Variants in CALN1 observed in about 807,000 individuals in gnomAD.
CALN1 encodes calcium-binding protein 8.
In CALN1, 17 loss-of-function variants were observed where a neutral mutation model predicts 30.6. The ratio of observed to expected loss-of-function variants is 0.56; its 90% confidence interval spans 0.38 to 0.83. The LOEUF is 0.83. Among genes scored for constraint, CALN1 ranks in the 40% least tolerant of loss-of-function variants. The pLI, the probability that CALN1 is intolerant of heterozygous loss-of-function variation, is 0.00. For synonymous variants in CALN1, 156 were observed against 131.4 expected, an observed-to-expected ratio of 1.19 and a Z score of -1.28; for missense variants, 291 against 354.9, an observed-to-expected ratio of 0.82 and a Z score of 1.45.
intron 5 of CALN1, among the ~76,000 whole-genome samples, chr7:71,829,150 G>A (rs190983838): frequency 1.3e-5 from 2 of 152,152 alleles, no homozygotes; most frequent in Non-Finnish European, 2.9e-5. Flanking sequence ...TCACAGGTAC[G>A]CGTCCTTAAC....
intron 2 of CALN1, among the ~76,000 whole-genome samples, chr7:72,289,200 G>A (rs1011426954): frequency 1.3e-5 from 2 of 152,122 alleles, no homozygotes; most frequent in African/African-American, 2.4e-5. Context: ...AAGTCATTAT[G>A]TTTTCAGATA....
chr7:71,829,760 C>T (rs1789149910), intron 5 of CALN1, among the ~76,000 whole-genome samples: 1 of 152,176 alleles, frequency 6.6e-6, no homozygotes, highest in Non-Finnish European at 1.5e-5. Flanking sequence ...TTGCAGTCTG[C>T]ACTGTCTGGG....
At chr7:72,359,991 A>AAAAAAAAAAAC (rs1803475081) in intron 2 of CALN1, among the ~76,000 whole-genome samples, 1 of 147,202 alleles carries the variant, frequency 6.8e-6, no homozygotes, top group Non-Finnish European at 1.5e-5. Flanking sequence ...AAAAAAAAAA[A>AAAAAAAAAAAC]CCAAAGTTGA....
intron 5 of CALN1, among the ~76,000 whole-genome samples, chr7:71,946,038 G>C (rs1024977042): frequency 6.6e-6 from 1 of 152,114 alleles, no homozygotes; most frequent in Non-Finnish European, 1.5e-5. Context: ...ATGGGGTGAG[G>C]GCCGCTTTAG....
chr7:72,188,041 G>A (rs1038958076), intron 3 of CALN1, among the ~76,000 whole-genome samples: 4 of 152,048 alleles, frequency 2.6e-5, no homozygotes, highest in South Asian at 2.1e-4. Flanking sequence ...AAACTAGGAC[G>A]GCCACTATGG....
chr7:71,893,100 C>T (rs570885197), intron 5 of CALN1, among the ~76,000 whole-genome samples: 1 of 152,244 alleles, frequency 6.6e-6, no homozygotes, highest in African/African-American at 2.4e-5. Context: ...TGTTAACAGC[C>T]CACATTTTCT....
chr7:71,933,558 T>C (rs1185575181), intron 5 of CALN1, among the ~76,000 whole-genome samples: 1 of 152,110 alleles, frequency 6.6e-6, no homozygotes, highest in African/African-American at 2.4e-5. Context: ...CCACACCGCT[T>C]CAACATCGTA....
chr7:71,913,103 C>A (rs1794508446), intron 5 of CALN1, among the ~76,000 whole-genome samples: 1 of 152,156 alleles, frequency 6.6e-6, no homozygotes, highest in African/African-American at 2.4e-5. Flanking sequence ...AAGAACAAGA[C>A]CAGGATGTGC....
intron 3 of CALN1, among the ~76,000 whole-genome samples, chr7:72,266,861 A>C (rs1309529115): frequency 1.3e-5 from 2 of 152,178 alleles, no homozygotes; most frequent in African/African-American, 2.4e-5. Context: ...ACAAAGCCTC[A>C]CAACTCTCCA....
chr7:72,429,947 G>T (rs1427569738), intron 1 of CALN1, among the ~76,000 whole-genome samples: 1 of 150,400 alleles, frequency 6.6e-6, no homozygotes, highest in African/African-American at 2.4e-5. Flanking sequence ...TGCCTCCCGA[G>T]TAGCTGGGAT....
chr7:72,295,478 A>C (rs1306992360), intron 2 of CALN1, among the ~76,000 whole-genome samples: 2 of 151,796 alleles, frequency 1.3e-5, no homozygotes, highest in African/African-American at 4.8e-5. Context: ...CACGATATTG[A>C]TTCTTCCTAC....
chr7:72,451,410 G>A (rs1365660992), upstream of CALN1, among the ~76,000 whole-genome samples: 12 of 137,720 alleles, frequency 8.7e-5, no homozygotes, highest in African/African-American at 2.9e-4. Context: ...GGAAGGGGGA[G>A]TAGGAGGGGG....
At chr7:71,944,082 T>C (rs1325011784) in intron 5 of CALN1, among the ~76,000 whole-genome samples, 1 of 152,174 alleles carries the variant, frequency 6.6e-6, no homozygotes, top group Non-Finnish European at 1.5e-5. Flanking sequence ...CTAGTCACTG[T>C]TGAGCAGTGA....
upstream of CALN1, among the ~76,000 whole-genome samples, chr7:72,416,433 C>T (rs2129563475): frequency 6.6e-6 from 1 of 152,274 alleles, no homozygotes; most frequent in Non-Finnish European, 1.5e-5. Context: ...AAATTGTTTC[C>T]TGAGTGAAGC....
intron 5 of CALN1, among the ~76,000 whole-genome samples, chr7:71,972,479 G>T (rs1018424786): frequency 1.9e-4 from 29 of 152,256 alleles, no homozygotes; most frequent in Admixed American, 1.8e-3. Context: ...CATCTGCTAA[G>T]AGAGCGTGCA....
intron 2 of CALN1, among the ~76,000 whole-genome samples, chr7:72,357,175 T>G (rs1334936031): frequency 6.6e-6 from 1 of 151,948 alleles, no homozygotes; most frequent in African/African-American, 2.4e-5. Flanking sequence ...AGAATACAAC[T>G]TGAACCAAAA....
Position 71,954,158 on chromosome 7 carries a change from T to C in CALN1, c.501+69499A>G, listed in dbSNP as rs566766074. ...GGGCAACATAGCAAGACATCATCTC[T>C]ATGAGAAATTTTAAAATGGGGCCAA... On this transcript the variant is annotated intron_variant, in intron 5 of 6. Transcript: ENST00000395275. Among the ~76,000 whole-genome samples, 5 of 151,818 alleles carry C rather than the reference T, an allele frequency of 3.3e-5. No individual in the cohort carries two copies. The South Asian group carries it at 1.0e-3, about 32-fold the overall frequency.
chr7:72,299,463 C>CAGAGTTACGTAAAACAAA (rs76299508), intron 2 of CALN1, among the ~76,000 whole-genome samples: 1 of 151,990 alleles, frequency 6.6e-6, no homozygotes, highest in Admixed American at 6.6e-5. Context: ...AGTTAAGAGG[C>CAGAGTTACGTAAAACAAA]AGAAATTACA....
chr7:72,413,176 C>G (rs1342816031), upstream of CALN1, among the ~76,000 whole-genome samples: 1 of 151,874 alleles, frequency 6.6e-6, no homozygotes, highest in African/African-American at 2.4e-5. Context: ...CTCATATGTA[C>G]ACACTGACAC....
Sources: allele counts gnomAD v4.1 joint callset (sites outside exome capture counted in the v4.1 genomes callset), GRCh38; gene constraint gnomAD v4.1.1; transcripts MANE v1.5; gene names NCBI Gene and HGNC (gene_info 2026-07-23, HGNC 2026-07-21).